TMEM130: variants seen among roughly 807,000 people sequenced by gnomAD.
The protein encoded by TMEM130 is transmembrane protein 130.
Under a neutral mutation model 42.9 loss-of-function variants are expected in TMEM130, and 37 were observed. That is an observed-to-expected ratio of 0.86 (90% CI 0.66 to 1.13). The LOEUF is 1.13. Ranked by LOEUF, TMEM130 falls within the 50% of genes most tolerant of loss-of-function variation. TMEM130 has a pLI of 0.00. For missense variants in TMEM130, 545 were observed against 562.6 expected, an observed-to-expected ratio of 0.97 and a Z score of 0.32; for synonymous variants, 259 against 237.7, an observed-to-expected ratio of 1.09 and a Z score of -0.82.
At position 98,856,038 on chromosome 7, in the gene TMEM130, A is replaced by G. The variant is rs984271951; in HGVS notation, c.697T>C (p.Ser233Pro). 3 of 1,613,420 alleles carry G rather than the reference A, an allele frequency of 1.9e-6. No homozygotes were observed. Among genetic ancestry groups the G allele is most frequent in the Non-Finnish European group, 8.5e-7 (1 of 1,180,028 alleles). ...RAVKQKTGDF[S>P]ASLKLQETLR... Reference sequence around the variant, plus strand: ...CCACCCTGCAGCTTCAGCGAGGCGGAGAAGTCCCCGGTCTTCTGCTTCACA... The same window carrying G: ...CCACCCTGCAGCTTCAGCGAGGCGGGGAAGTCCCCGGTCTTCTGCTTCACA... Residue 233 changes from serine to proline, a missense_variant, in exon 4 of 8, where the codon TCC becomes CCC. By Grantham distance (74) the Ser-to-Pro change is moderately conservative. Coordinates refer to ENST00000339375, the MANE Select transcript of TMEM130 (RefSeq NM_152913.3).
At position 98,847,780 on chromosome 7, in the gene TMEM130, T is replaced by C. The variant is rs781878478; in HGVS notation, c.*276A>G. The C allele has an allele frequency of 4.5e-5, 14 of 308,444 alleles. No homozygotes were observed. Among genetic ancestry groups the C allele is most frequent in the Non-Finnish European group, 7.7e-5 (13 of 168,028 alleles). The allele number at this position is 308,444 out of a possible 1,614,324, so 19.1% of individuals were successfully genotyped here. ...CGGAACACCCCAAGCATCAAAGTCC[T>C]GCACGAAGCCTCTTCAAAGGTAGGG... On this transcript the variant is annotated 3_prime_UTR_variant, in exon 8 of 8. Coordinates refer to ENST00000339375, the MANE Select transcript of TMEM130 (RefSeq NM_152913.3).
chr7:98,855,009 C>T (rs1554398714), intron 5 of TMEM130, among the ~76,000 whole-genome samples: 2 of 152,250 alleles, frequency 1.3e-5, no homozygotes, highest in Non-Finnish European at 2.9e-5. Flanking sequence ...GCACTCCAGC[C>T]TGGGCGAAAG....
At chr7:98,849,988 C>T (rs548516068) in intron 6 of TMEM130, among the ~76,000 whole-genome samples, 54 of 151,940 alleles carry the variant, frequency 3.6e-4, no homozygotes, top group Non-Finnish European at 6.6e-4. Context: ...GGGGCTGGGC[C>T]GATGATAGTT....
At chr7:98,849,639 G>A (rs1428918902) in intron 6 of TMEM130, among the ~76,000 whole-genome samples, 2 of 152,124 alleles carry the variant, frequency 1.3e-5, no homozygotes, top group Non-Finnish European at 2.9e-5. Flanking sequence ...GACAGCTTCA[G>A]GTGCATCCAT....
Position 98,869,113 on chromosome 7 carries a change from C to A in TMEM130, c.85+664G>T. 8.5e-7 allele frequency: 1 copy of A among 1,175,502 alleles called. No homozygotes were observed. Among genetic ancestry groups the A allele is most frequent in the Non-Finnish European group, 1.1e-6 (1 of 914,006 alleles). The allele number at this position is 1,175,502 out of a possible 1,614,324, so 72.8% of individuals were successfully genotyped here. On this transcript the variant is annotated intron_variant, in intron 1 of 7. Transcript: ENST00000339375. This position sits in a 1 kb window ranked among gnomAD's most constrained non-coding sequence, Gnocchi z 4.7. ...TCCTTTTATGGTTCCCAAAATGTGG[C>A]AGAGAGGTGGGTGCTGGCTTTCTGG...
At chr7:98,855,556 C>T (rs1427774246) in intron 4 of TMEM130, among the ~76,000 whole-genome samples, 1 of 152,236 alleles carries the variant, frequency 6.6e-6, no homozygotes, top group Admixed American at 6.5e-5. Context: ...CACAATTGTC[C>T]TGCCCATTGC....
In TMEM130 at chr7:98,857,116, A is replaced by G. The variant is rs552077084; in HGVS notation, c.552-933T>C. The stretch of plus-strand genomic sequence containing the variant: ...TTTGTATTCTTTGTAGAGACGAGGT[A>G]TCACTATGTTACCCACCCTAGTCTC... On this transcript the variant is annotated intron_variant, in intron 3 of 7. Coordinates refer to ENST00000339375, the MANE Select transcript of TMEM130 (RefSeq NM_152913.3). 2.0e-5 allele frequency among the ~76,000 whole-genome samples: 3 copies of G among 151,982 alleles called. No individual in the cohort carries two copies. The East Asian group carries it at 5.8e-4, about 30-fold the overall frequency.
chr7:98,863,287 C>A lies in TMEM130; in HGVS notation c.199G>T (p.Ala67Ser). Residue 67 changes from alanine (A) to serine (S), a missense_variant, in exon 2 of 8, where the codon GCC becomes TCC. Transcript: ENST00000339375. ...DNGSLALPAD[A>S]HLYRFHWIHT... ...ATCCAGTGGAAGCGGTAGAGGTGGG[C>A]GTCAGCGGGCAGGGCCAGGCTGCCG... 6.2e-7 allele frequency: 1 copy of A among 1,612,598 alleles called. No homozygotes were observed. The highest frequency in any genetic ancestry group is 8.5e-7 in the Non-Finnish European group (1 of 1,179,686).
chr7:98,853,406 T>G (rs1794555904), intron 5 of TMEM130, among the ~76,000 whole-genome samples: 1 of 152,068 alleles, frequency 6.6e-6, no homozygotes, highest in South Asian at 2.1e-4. Context: ...GGTGGGTGGA[T>G]CACTTGAGGT....
At chr7:98,851,340 G>A in intron 6 of TMEM130, 81 bp downstream of exon 6, 3 of 1,411,210 alleles carry the variant, frequency 2.1e-6, no homozygotes, top group East Asian at 2.3e-5. Flanking sequence ...TGGCTGGTAG[G>A]AGCGTATTGG....
intron 6 of TMEM130, among the ~76,000 whole-genome samples, chr7:98,849,478 G>A (rs1157105572): frequency 1.3e-5 from 2 of 152,082 alleles, no homozygotes; most frequent in South Asian, 2.1e-4. Context: ...GAATTCAGGG[G>A]GTTCCTGATT....
chr7:98,859,026 GAAGGAAGGAAGA>G (rs1369519923), intron 3 of TMEM130, among the ~76,000 whole-genome samples: 1 of 145,206 alleles, frequency 6.9e-6, no homozygotes, highest in Non-Finnish European at 1.5e-5. Flanking sequence ...GGGAAGGAAG[GAAGGAAGGAAGA>G]AAGGAAGGGA....
In TMEM130 at chr7:98,863,395, A is replaced by G. The variant is rs782627721; in HGVS notation, c.91T>C (p.Tyr31His). ...WAPAGVAAGL[Y>H]ELNLTTDSPA... ...CTATCGGTGGTGAGATTGAGTTCATACAGGCCTAGGAGCCCAGAAACAAAG... is the reference window on the plus strand; with the variant it reads ...CTATCGGTGGTGAGATTGAGTTCATGCAGGCCTAGGAGCCCAGAAACAAAG... The change falls in exon 2 of 8, where the codon TAT becomes CAT. Residue 31 changes from tyrosine (Y) to histidine (H), a missense_variant. By Grantham distance (83) the Tyr-to-His change is moderately conservative (BLOSUM62 2). Transcript: ENST00000339375. 1 of 1,586,920 alleles carries G rather than the reference A, an allele frequency of 6.3e-7. No individual in the cohort carries two copies.
chr7:98,852,410 G>A (rs971228123), intron 5 of TMEM130, among the ~76,000 whole-genome samples: 3 of 151,848 alleles, frequency 2.0e-5, no homozygotes, highest in Non-Finnish European at 4.4e-5. Context: ...TATTACAGGC[G>A]TGAGCCACTG....
At position 98,869,124 on chromosome 7, in the gene TMEM130, G is replaced by A. The variant is rs1404663290; in HGVS notation, c.85+653C>T. ...TTCCCAAAATGTGGCAGAGAGGTGG[G>A]TGCTGGCTTTCTGGCGGTGGGGAAG... On this transcript the variant is annotated intron_variant, in intron 1 of 7. Transcript: ENST00000339375. This position sits in a 1 kb window ranked among gnomAD's most constrained non-coding sequence, Gnocchi z 4.7. 1 of 1,222,186 alleles carries A rather than the reference G, an allele frequency of 8.2e-7. No individual in the cohort carries two copies. 75.7% of individuals were successfully genotyped at this position (1,222,186 alleles called of 1,614,324 possible).
At chr7:98,848,745 T>C (rs1554397781) in intron 6 of TMEM130, 50 bp from the exon 7 acceptor site, 2 of 1,273,676 alleles carry the variant, frequency 1.6e-6, no homozygotes, top group Admixed American at 3.4e-5. Context: ...GGTACTACAG[T>C]GCTGGTTCTC....
intron 4 of TMEM130, 111 bp from the exon 5 acceptor site, chr7:98,855,435 T>G (rs1554398818): frequency 1.0e-6 from 1 of 965,784 alleles, no homozygotes; most frequent in African/African-American, 1.6e-5. Context: ...GTCCCTCTCC[T>G]AAGAGCAGGC....
chr7:98,863,399 G>T lies in TMEM130; in HGVS notation c.87C>A (p.Gly29=). 1 of 1,571,998 alleles carries T rather than the reference G, an allele frequency of 6.4e-7. No homozygotes were observed. The highest frequency in any genetic ancestry group is 8.6e-7 in the Non-Finnish European group (1 of 1,161,618). ...LPWAPAGVAA[G]LYELNLTTDS... Reference sequence around the variant, plus strand: ...CGGTGGTGAGATTGAGTTCATACAGGCCTAGGAGCCCAGAAACAAAGACTG... The same window carrying T: ...CGGTGGTGAGATTGAGTTCATACAGTCCTAGGAGCCCAGAAACAAAGACTG... The change falls in exon 2 of 8, where the codon GGC becomes GGA. Residue 29 remains glycine, a splice_region_variant and synonymous_variant. Coordinates refer to ENST00000339375, the MANE Select transcript of TMEM130 (RefSeq NM_152913.3).
Position 98,860,319 on chromosome 7 carries a change from A to T in TMEM130, c.411T>A (p.Leu137=), listed in dbSNP as rs1554399621. 8.8e-6 allele frequency: 14 copies of T among 1,596,660 alleles called. No individual in the cohort carries two copies. Among genetic ancestry groups the T allele is most frequent in the Non-Finnish European group, 1.2e-5 (14 of 1,169,898 alleles). ...LPITEFLVGD[L]VVTQNTSLPW... ...GTAGGGAAGTGTTCTGGGTGACAACAAGGTCCCCCACGAGGAACTCTGGGA... is the reference window on the plus strand; with the variant it reads ...GTAGGGAAGTGTTCTGGGTGACAACTAGGTCCCCCACGAGGAACTCTGGGA... The change falls in exon 3 of 8, where the codon CTT becomes CTA. Residue 137 remains leucine, a synonymous_variant. Coordinates refer to ENST00000339375, the MANE Select transcript of TMEM130 (RefSeq NM_152913.3).
Sources: allele counts gnomAD v4.1 joint callset (sites outside exome capture counted in the v4.1 genomes callset), GRCh38; gene constraint gnomAD v4.1.1; non-coding constraint Gnocchi (gnomAD v3.1); transcripts MANE v1.5; gene names NCBI Gene and HGNC (gene_info 2026-07-23, HGNC 2026-07-21).